The following HAO2 variants were observed in gnomAD, a reference collection of about 807,000 sequenced individuals.
HAO2 encodes 2-Hydroxyacid oxidase 2.
In HAO2, 42 loss-of-function variants were observed where a neutral mutation model predicts 37.4. The ratio of observed to expected loss-of-function variants is 1.12; its 90% CI spans 0.88 to 1.45. HAO2 has a LOEUF of 1.45. HAO2 is among the 40% of genes most tolerant of loss of function. The probability of loss-of-function intolerance (pLI) is 0.00; values close to 1 mark genes in which losing one functional copy is unlikely to be tolerated. For synonymous variants in HAO2, 180 were observed against 162.8 expected, an observed-to-expected ratio of 1.11 and a Z score of -0.81; for missense variants, 476 against 430.2, an observed-to-expected ratio of 1.11 and a Z score of -0.94.
chr1:119,385,109 C>T (rs1650279074), intron 4 of HAO2, 56 bp downstream of exon 4: 1 of 1,564,716 alleles, frequency 6.4e-7, no homozygotes, highest in African/African-American at 1.4e-5. Flanking sequence ...ATTTCCTTCC[C>T]TCTTTTCTCC....
At position 119,392,619 on chromosome 1, in the gene HAO2, G is replaced by T; in HGVS notation, c.932G>T (p.Gly311Val). The T allele has an allele frequency of 1.9e-6, 3 of 1,602,176 alleles. No individual in the cohort carries two copies. Among genetic ancestry groups the T allele is most frequent in the Non-Finnish European group, 2.6e-6 (3 of 1,169,316 alleles). ...RPILWGLACKGEHGVKEVLNI... is the reference protein window; with the variant it reads ...RPILWGLACKVEHGVKEVLNI... ...TCTGTCTGTCTGCCTCGGGAGCAGG[G>T]TGAACATGGTGTTAAGGAAGTTTTG... Residue 311 changes from glycine (G) to valine (V), a missense_variant and splice_region_variant, in exon 7 of 8, where the codon GGT becomes GTT. Transcript: ENST00000325945.
intron 3 of HAO2, among the ~76,000 whole-genome samples, chr1:119,383,633 TCCACCA>T (rs200619344): frequency 2.0e-5 from 3 of 151,528 alleles, no homozygotes; most frequent in Admixed American, 6.6e-5. Flanking sequence ...TCCCACATTC[TCCACCA>T]CCACCACCAC....
intron 7 of HAO2, 131 bp from the exon 8 acceptor site, chr1:119,393,654 A>G: frequency 1.3e-6 from 1 of 779,834 alleles, no homozygotes; most frequent in Non-Finnish European, 2.3e-6. Flanking sequence ...TTCATTCTGT[A>G]TGTAAACCAT....
rs1006437676 is a variant in HAO2, at chr1:119,385,484, G to T, written c.561+431G>T. On this transcript the variant is annotated intron_variant, in intron 4 of 7. Transcript: ENST00000325945. The stretch of plus-strand genomic sequence containing the variant: ...CAAAGGGGATGTTCATGACCAAAGT[G>T]ACTGGCCAGACAGTCTAGACAGGCC... 7 of 765,994 alleles carry T rather than the reference G, an allele frequency of 9.1e-6. No homozygotes were observed. The Admixed American group carries it at 2.5e-4, about 27-fold the overall frequency. The allele number at this position is 765,994 out of a possible 1,614,324, so 47.4% of individuals were successfully genotyped here. A position where few individuals can be genotyped will look rare whatever the true frequency, so the allele number is the denominator to read the frequency against.
intron 1 of HAO2, chr1:119,370,356 T>C (rs1349811053): frequency 1.3e-5 from 2 of 151,858 alleles, no homozygotes; most frequent in African/African-American, 2.4e-5. Flanking sequence ...TGACAGAGGG[T>C]TTAAATTATA....
At chr1:119,391,571 C>A (rs928005506) in intron 5 of HAO2, among the ~76,000 whole-genome samples, 2 of 152,168 alleles carry the variant, frequency 1.3e-5, no homozygotes, top group Non-Finnish European at 2.9e-5. Flanking sequence ...CTCAGATACG[C>A]CATGAGGAAG....
intron 5 of HAO2, among the ~76,000 whole-genome samples, chr1:119,388,205 G>A (rs1209431742): frequency 6.6e-6 from 1 of 152,180 alleles, no homozygotes; most frequent in Non-Finnish European, 1.5e-5. Context: ...AAGCAAAAGA[G>A]CATAGCATGC....
chr1:119,375,957 G>A (rs749968996), intron 1 of HAO2, among the ~76,000 whole-genome samples: 10 of 151,962 alleles, frequency 6.6e-5, no homozygotes, highest in Non-Finnish European at 1.5e-4. Context: ...GTTTGGTTGG[G>A]GACACAGCCA....
intron 6 of HAO2, 71 bp downstream of exon 6, chr1:119,392,339 C>A: frequency 7.8e-7 from 1 of 1,286,244 alleles, no homozygotes; most frequent in Non-Finnish European, 1.1e-6. Context: ...TCCTGTGGTT[C>A]ATTTTCCAAG....
intron 2 of HAO2, 23 bp from the exon 3 acceptor site, chr1:119,382,892 G>C: frequency 6.2e-7 from 1 of 1,609,588 alleles, no homozygotes. Context: ...ACCAACAGAA[G>C]ATCTCTTTGT....
intron 1 of HAO2, among the ~76,000 whole-genome samples, chr1:119,375,921 T>C (rs934161553): frequency 6.6e-6 from 1 of 152,064 alleles, no homozygotes; most frequent in African/African-American, 2.4e-5. Context: ...CATGTGGGGA[T>C]TATGGGAGCT....
intron 5 of HAO2, among the ~76,000 whole-genome samples, chr1:119,391,619 T>C (rs946957359): frequency 1.3e-5 from 2 of 152,172 alleles, no homozygotes; most frequent in African/African-American, 4.8e-5. Context: ...TGAGAAATAA[T>C]GTTCAACCCA....
At chr1:119,374,746 C>G (rs1481619650) in intron 1 of HAO2, among the ~76,000 whole-genome samples, 5 of 152,330 alleles carry the variant, frequency 3.3e-5, no homozygotes, top group Non-Finnish European at 4.4e-5. Flanking sequence ...GCAACACCAA[C>G]ATGAATCATA....
In HAO2 at chr1:119,381,168, G is replaced by A. The variant is rs770798512; in HGVS notation, c.83G>A (p.Gly28Glu). The A allele has an allele frequency of 6.2e-7, 1 of 1,610,042 alleles. No individual in the cohort carries two copies. Among genetic ancestry groups the A allele is most frequent in the Non-Finnish European group, 8.5e-7 (1 of 1,176,262 alleles). ...TCAACTCGGGATTTTATTGAAGGTGGAGCAGATGACAGCATCACGCGGGAT... is the reference window on the plus strand; with the variant it reads ...TCAACTCGGGATTTTATTGAAGGTGAAGCAGATGACAGCATCACGCGGGAT... The part of the protein sequence containing the change: ...SKSTRDFIEG[G>E]ADDSITRDDN... Residue 28 changes from glycine to glutamate, a missense_variant, in exon 2 of 8, where the codon GGA (glycine) becomes GAA (glutamate). By Grantham distance (98) the Gly-to-Glu change is moderately conservative. Transcript: ENST00000325945.
At chr1:119,370,521 G>A (rs1375208302) in intron 1 of HAO2, among the ~76,000 whole-genome samples, 2 of 152,110 alleles carry the variant, frequency 1.3e-5, no homozygotes, top group Admixed American at 6.6e-5. Flanking sequence ...TTTCAAAGGG[G>A]CCATACTGCT....
chr1:119,390,529 A>AT (rs1474318317), intron 5 of HAO2, among the ~76,000 whole-genome samples: 2 of 152,248 alleles, frequency 1.3e-5, no homozygotes, highest in Non-Finnish European at 2.9e-5. Context: ...AATTATAGGC[A>AT]TGAGCCACTG....
rs2275607 is a variant in HAO2, at chr1:119,381,101, T to G, written c.16T>G (p.Leu6Val). MSLVC[L>V]TDFQAHAREQ... ...AGGTCCAGAAATGTCCTTGGTGTGT[T>G]TGACAGACTTTCAGGCCCATGCGCG... The change falls in exon 2 of 8, where the codon TTG becomes GTG. Residue 6 changes from leucine (L) to valine (V), a missense_variant. Physicochemically the swap from Leu to Val is conservative, Grantham distance 32. Transcript: ENST00000325945. The G allele has an allele frequency of 6.9e-3, 11,172 of 1,613,094 alleles. 612 individuals carry two copies. In the African/African-American group the frequency reaches 0.12, roughly 18 times the overall value.
At chr1:119,383,410 T>C (rs1650120519) in intron 3 of HAO2, among the ~76,000 whole-genome samples, 1 of 152,060 alleles carries the variant, frequency 6.6e-6, no homozygotes, top group African/African-American at 2.4e-5. Context: ...GCTAGGGCCC[T>C]CTTTGGCCCC....
At chr1:119,390,132 G>A (rs587638624) in intron 5 of HAO2, among the ~76,000 whole-genome samples, 1 of 152,094 alleles carries the variant, frequency 6.6e-6, no homozygotes, top group Non-Finnish European at 1.5e-5. Context: ...TCTCTATTCT[G>A]TTCCATTGGT....
Sources: gnomAD v4.1 joint callset for allele counts (sites outside exome capture counted in the v4.1 genomes callset) on GRCh38, gnomAD v4.1.1 for gene constraint, MANE v1.5 for transcripts, NCBI Gene and HGNC (gene_info 2026-07-23, HGNC 2026-07-21) for gene names.